The following TEKT5 variants were observed in gnomAD, a reference collection of about 807,000 sequenced individuals.
TEKT5 encodes the protein tektin-5.
Under a neutral mutation model 48.7 loss-of-function variants are expected in TEKT5, and 52 were observed. That is an observed-to-expected ratio of 1.07 (90% confidence interval 0.86 to 1.35). The LOEUF (loss-of-function observed/expected upper bound fraction) is 1.35, where lower values mean the gene tolerates loss of function less well. Ranked by LOEUF, TEKT5 falls within the 40% of genes most tolerant of loss-of-function variation. The pLI is 0.00. For synonymous variants in TEKT5, 318 were observed against 267.6 expected (o/e 1.19, Z -1.84); for missense variants, 831 against 641.6 (o/e 1.30, Z -3.19).
chr16:10,654,336 C>A (rs1898221233), intron 5 of TEKT5, among the ~76,000 whole-genome samples: 1 of 152,174 alleles, frequency 6.6e-6, no homozygotes, highest in African/African-American at 2.4e-5. Context: ...CAGATGTGAG[C>A]CACTGCACCC....
At chr16:10,667,963 C>T (rs896701712) in intron 5 of TEKT5, among the ~76,000 whole-genome samples, 17 of 151,994 alleles carry the variant, frequency 1.1e-4, no homozygotes, top group African/African-American at 3.4e-4. Context: ...CTGCAACCTC[C>T]ACCTCCCAGG....
At chr16:10,658,324 G>A (rs1898298845) in intron 5 of TEKT5, among the ~76,000 whole-genome samples, 1 of 152,172 alleles carries the variant, frequency 6.6e-6, no homozygotes, top group Admixed American at 6.5e-5. Flanking sequence ...GAATGTTCAA[G>A]AATGTTCATA....
chr16:10,646,928 T>C (rs1294841122), intron 5 of TEKT5, among the ~76,000 whole-genome samples: 3 of 152,226 alleles, frequency 2.0e-5, no homozygotes, highest in Non-Finnish European at 4.4e-5. Flanking sequence ...TTGGAAGCCC[T>C]GGGGATTTTC....
intron 5 of TEKT5, among the ~76,000 whole-genome samples, chr16:10,646,165 T>C (rs1898066944): frequency 1.3e-5 from 2 of 152,064 alleles, no homozygotes; most frequent in Admixed American, 6.6e-5. Flanking sequence ...TGATCTGACA[T>C]TCAAGTTTAA....
At chr16:10,657,844 C>T (rs1186735208) in intron 5 of TEKT5, among the ~76,000 whole-genome samples, 7 of 151,858 alleles carry the variant, frequency 4.6e-5, no homozygotes, top group African/African-American at 1.5e-4. Context: ...TCGTGATCCG[C>T]CCGGCTCGGC....
chr16:10,694,043 A>G (rs988836869), intron 1 of TEKT5, among the ~76,000 whole-genome samples: 1 of 152,232 alleles, frequency 6.6e-6, no homozygotes, highest in African/African-American at 2.4e-5. Context: ...TCAGGCATGC[A>G]TAAGTATGCA....
chr16:10,691,845 C>T (rs4238602), intron 1 of TEKT5, among the ~76,000 whole-genome samples: 66,659 of 150,818 alleles, frequency 0.44, 15,140 homozygotes, highest in East Asian at 0.62. Context: ...CTACTCGGGA[C>T]GCTGAGGCAG....
intron 4 of TEKT5, among the ~76,000 whole-genome samples, chr16:10,681,010 A>T (rs570531726): frequency 2.7e-5 from 4 of 148,896 alleles, no homozygotes; most frequent in Non-Finnish European, 5.9e-5. Flanking sequence ...AAAGTATAAT[A>T]ATAATAATAA....
At chr16:10,676,380 C>G (rs563685507) in intron 4 of TEKT5, among the ~76,000 whole-genome samples, 199 bp from the exon 5 acceptor site, 4 of 152,206 alleles carry the variant, frequency 2.6e-5, no homozygotes, top group Non-Finnish European at 5.9e-5. Context: ...TTGTGACAAC[C>G]AAAAAATGGC....
At chr16:10,679,229 G>C (rs1319054028) in intron 4 of TEKT5, among the ~76,000 whole-genome samples, 1 of 152,098 alleles carries the variant, frequency 6.6e-6, no homozygotes, top group Non-Finnish European at 1.5e-5. Context: ...ACAATGTCTA[G>C]CACATAGCAA....
intron 5 of TEKT5, among the ~76,000 whole-genome samples, chr16:10,656,480 T>C (rs1898264234): frequency 6.6e-6 from 1 of 152,112 alleles, no homozygotes; most frequent in Non-Finnish European, 1.5e-5. Context: ...CTCAAACTCC[T>C]GGGCTCAAGC....
intron 1 of TEKT5, among the ~76,000 whole-genome samples, chr16:10,691,686 C>G (rs577113652): frequency 8.3e-4 from 126 of 152,138 alleles, no homozygotes; most frequent in Non-Finnish European, 8.5e-4. Context: ...CGGTGGCTCA[C>G]GCCTGTAATC....
intron 3 of TEKT5, among the ~76,000 whole-genome samples, chr16:10,686,334 GT>G (rs1898861397): frequency 6.6e-6 from 1 of 152,074 alleles, no homozygotes; most frequent in Admixed American, 6.5e-5. Context: ...GCAGGCACAT[GT>G]AACCCCTGCT....
chr16:10,644,809 T>C (rs538756452), intron 5 of TEKT5, among the ~76,000 whole-genome samples: 25 of 152,308 alleles, frequency 1.6e-4, no homozygotes, highest in Middle Eastern at 3.4e-3. Flanking sequence ...CAAAGCACTT[T>C]CTCGTGTATG....
At chr16:10,686,570 T>C (rs142191652) in intron 3 of TEKT5, among the ~76,000 whole-genome samples, 40 of 151,862 alleles carry the variant, frequency 2.6e-4, no homozygotes, top group Admixed American at 8.5e-4. Flanking sequence ...ACGACCCCAA[T>C]AGCACATGAA....
chr16:10,633,822 C>G (rs1215112836), intron 6 of TEKT5, among the ~76,000 whole-genome samples: 1 of 152,124 alleles, frequency 6.6e-6, no homozygotes, highest in African/African-American at 2.4e-5. Flanking sequence ...GGAGGGACCC[C>G]AGACCCTCAA....
chr16:10,647,471 C>CAAA (rs35976644), intron 5 of TEKT5, among the ~76,000 whole-genome samples: 4 of 114,288 alleles, frequency 3.5e-5, no homozygotes, highest in African/African-American at 1.2e-4. Context: ...GACCCTGTCT[C>CAAA]AAAAAAAAAA....
intron 4 of TEKT5, 123 bp from the exon 5 acceptor site, chr16:10,676,304 T>A: frequency 2.1e-6 from 2 of 934,922 alleles, no homozygotes; most frequent in South Asian, 3.2e-5. Context: ...TGTAGGGTGC[T>A]TGGGATGTTT....
intron 5 of TEKT5, among the ~76,000 whole-genome samples, chr16:10,647,470 T>TA (rs1898087903): frequency 9.6e-6 from 1 of 103,704 alleles, no homozygotes; most frequent in Admixed American, 9.3e-5. Context: ...GGACCCTGTC[T>TA]CAAAAAAAAA....
Sources: allele counts gnomAD v4.1 joint callset (sites outside exome capture counted in the v4.1 genomes callset), GRCh38; gene constraint gnomAD v4.1.1; transcripts MANE v1.5; gene names NCBI Gene and HGNC (gene_info 2026-07-23, HGNC 2026-07-21).